PTPRG: variants seen among roughly 807,000 people sequenced by gnomAD.
The protein encoded by PTPRG is protein tyrosine phosphatase receptor type G.
A neutral mutation model predicts 165.3 loss-of-function variants in PTPRG; 102 were observed. The ratio of observed to expected loss-of-function variants is 0.62; its 90% CI spans 0.53 to 0.73. The LOEUF is 0.73. Among genes scored for constraint, PTPRG ranks in the 30% least tolerant of loss-of-function variants. PTPRG has a pLI of 0.00. For missense variants in PTPRG, 1,866 were observed against 1,861.4 expected (o/e 1.00, Z -0.05); for synonymous variants, 675 against 669.5 (o/e 1.01, Z -0.13).
intron 2 of PTPRG, among the ~76,000 whole-genome samples, chr3:61,855,072 C>CAGA (rs2037063106): frequency 6.6e-6 from 1 of 152,124 alleles, no homozygotes; most frequent in Non-Finnish European, 1.5e-5. Context: ...AACGCAGTTA[C>CAGA]TGAGTGGTTC....
At chr3:62,243,614 G>A in intron 14 of PTPRG, 193 bp from the exon 15 acceptor site, 1 of 455,338 alleles carries the variant, frequency 2.2e-6, no homozygotes, top group Non-Finnish European at 3.9e-6. Context: ...AAAAAAAATG[G>A]ATATGCTGTA....
chr3:62,223,316 C>T (rs953779689), intron 13 of PTPRG, among the ~76,000 whole-genome samples: 1 of 152,210 alleles, frequency 6.6e-6, no homozygotes, highest in Non-Finnish European at 1.5e-5. Context: ...CACTCCACCA[C>T]ACTGTTTATC....
chr3:62,085,978 C>A (rs897014035), intron 5 of PTPRG, among the ~76,000 whole-genome samples: 1 of 152,112 alleles, frequency 6.6e-6, no homozygotes, highest in Admixed American at 6.5e-5. Flanking sequence ...GAGGACAGAT[C>A]AAGTCAGGCA....
Position 62,216,079 on chromosome 3 carries a change from G to A in PTPRG, c.2156-2772G>A, listed in dbSNP as rs771432832. On this transcript the variant is annotated intron_variant, in intron 12 of 29. Transcript: ENST00000474889. Reference sequence around the variant, plus strand: ...CTAAAAATATGAAAATTGGCCAGGCGTGGTGGCACACACCTGTAATTCCAG... The same window carrying A: ...CTAAAAATATGAAAATTGGCCAGGCATGGTGGCACACACCTGTAATTCCAG... 7.2e-5 allele frequency among the ~76,000 whole-genome samples: 11 copies of A among 152,104 alleles called. 1 individual carries two copies. The South Asian group carries it at 1.0e-3, about 14-fold the overall frequency.
chr3:61,737,473 T>C (rs1032743037), intron 1 of PTPRG, among the ~76,000 whole-genome samples: 1 of 152,146 alleles, frequency 6.6e-6, no homozygotes, highest in African/African-American at 2.4e-5. Flanking sequence ...AGTTAGGAGC[T>C]ACTTAAGCAG....
At chr3:61,564,608 G>C (rs540786064) in intron 1 of PTPRG, among the ~76,000 whole-genome samples, 1 of 152,232 alleles carries the variant, frequency 6.6e-6, no homozygotes, top group Non-Finnish European at 1.5e-5. Flanking sequence ...TTGGAAAAGT[G>C]CAGCCCGAGA....
Position 62,080,061 on chromosome 3 carries a change from C to CTTTTTTTTTTTTTTTTTTTTTTT in PTPRG, c.615+1803_615+1804insTTTTTTTTTTTTTTTTTTTTTTT, listed in dbSNP as rs774262138. Among the ~76,000 whole-genome samples, 4 of 111,568 alleles carry CTTTTTTTTTTTTTTTTTTTTTTT rather than the reference C, an allele frequency of 3.6e-5. 2 individuals are homozygous for CTTTTTTTTTTTTTTTTTTTTTTT. The highest frequency in any genetic ancestry group is 3.7e-5 in the Non-Finnish European group (2 of 54,508). 73.2% of individuals were successfully genotyped at this position (111,568 alleles called of 152,430 possible). ...GAGTTCTGTCTGGACCCCTTCGGTT[C>CTTTTTTTTTTTTTTTTTTTTTTT]ATTTTTTTTTTTTTTTTTTTTGAGA... On this transcript the variant is annotated intron_variant, in intron 5 of 29. Transcript: ENST00000474889.
intron 1 of PTPRG, among the ~76,000 whole-genome samples, chr3:61,744,281 T>C (rs2033112380): frequency 6.6e-6 from 1 of 152,210 alleles, no homozygotes; most frequent in Admixed American, 6.5e-5. Flanking sequence ...ACTTAAAGTG[T>C]TGTCTTATTT....
intron 2 of PTPRG, among the ~76,000 whole-genome samples, chr3:61,858,764 C>G (rs563712649): frequency 3.5e-4 from 54 of 152,132 alleles, no homozygotes; most frequent in Non-Finnish European, 6.8e-4. Flanking sequence ...TTTAAAAACT[C>G]TTAAACTTTT....
chr3:61,841,797 G>T (rs1263029900), intron 2 of PTPRG, among the ~76,000 whole-genome samples: 1 of 152,134 alleles, frequency 6.6e-6, no homozygotes, highest in Non-Finnish European at 1.5e-5. Context: ...GGGCGACAGA[G>T]CGAGACTCCA....
intron 27 of PTPRG, among the ~76,000 whole-genome samples, chr3:62,282,392 T>G (rs1702483566): frequency 6.6e-6 from 1 of 151,478 alleles, no homozygotes; most frequent in African/African-American, 2.4e-5. Context: ...CTAGTTAATT[T>G]TTTTTTTTTT....
chr3:61,928,515 A>T (rs2039282391), intron 2 of PTPRG, among the ~76,000 whole-genome samples: 1 of 152,154 alleles, frequency 6.6e-6, no homozygotes. Context: ...TGAGGAGGGT[A>T]TTTATTCAGA....
intron 2 of PTPRG, among the ~76,000 whole-genome samples, chr3:61,791,067 G>A (rs1043445658): frequency 3.3e-5 from 5 of 152,096 alleles, no homozygotes; most frequent in Non-Finnish European, 5.9e-5. Context: ...AATGGTTGCC[G>A]TGTTGCTAAA....
At chr3:62,270,436 G>C (rs1240398397) in intron 20 of PTPRG, among the ~76,000 whole-genome samples, 2 of 152,066 alleles carry the variant, frequency 1.3e-5, no homozygotes, top group African/African-American at 2.4e-5. Context: ...GCTGCTGGCT[G>C]GCTCAAGATG....
In PTPRG at chr3:61,561,776, CCCTTCCCCTCT is replaced by C. The variant is rs1346430088; in HGVS notation, c.-510_-500del. 6.6e-6 allele frequency: 1 copy of C among 152,640 alleles called. No homozygotes were observed. Among genetic ancestry groups the C allele is most frequent in the Non-Finnish European group, 1.5e-5 (1 of 68,382 alleles). The allele number at this position is 152,640 out of a possible 1,614,324, so 9.5% of individuals were successfully genotyped here. A position where few individuals can be genotyped will look rare whatever the true frequency, so the allele number is the denominator to read the frequency against. On this transcript the variant is annotated 5_prime_UTR_variant, in exon 1 of 30. The change creates a premature stop within an existing upstream ORF in the 5' untranslated region. Coordinates refer to ENST00000474889, the MANE Select transcript of PTPRG (RefSeq NM_002841.4). ...CTCCGCTCCCCCTGCCTCTCCCCTC[CCCTTCCCCTCT>C]CGCAAACATGCCTCCTTCCTTCCCG... is the stretch of plus-strand genomic sequence containing the variant.
chr3:61,967,738 T>C (rs2040302332), intron 2 of PTPRG, among the ~76,000 whole-genome samples: 1 of 152,232 alleles, frequency 6.6e-6, no homozygotes, highest in South Asian at 2.1e-4. Flanking sequence ...CCTTGTTGGT[T>C]AAGACAGCTG....
At chr3:61,893,987 T>C (rs2038283292) in intron 2 of PTPRG, among the ~76,000 whole-genome samples, 1 of 152,050 alleles carries the variant, frequency 6.6e-6, no homozygotes, top group Non-Finnish European at 1.5e-5. Flanking sequence ...GTGGGGGTGT[T>C]ATTTGCAGAG....
chr3:61,988,343 T>A (rs561059574), intron 2 of PTPRG, among the ~76,000 whole-genome samples: 17 of 152,134 alleles, frequency 1.1e-4, no homozygotes, highest in Admixed American at 3.3e-4. Flanking sequence ...TCTTGTACCA[T>A]TGTTTATATC....
At chr3:61,879,165 G>T (rs1210140294) in intron 2 of PTPRG, among the ~76,000 whole-genome samples, 1 of 152,190 alleles carries the variant, frequency 6.6e-6, no homozygotes, top group East Asian at 1.9e-4. Flanking sequence ...AGTGTGAGCT[G>T]CAGGACTATA....
Sources: gnomAD v4.1 joint callset for allele counts (sites outside exome capture counted in the v4.1 genomes callset) on GRCh38, gnomAD v4.1.1 for gene constraint, MANE v1.5 for transcripts, NCBI Gene and HGNC (gene_info 2026-07-23, HGNC 2026-07-21) for gene names.